Variants in IGSF10 observed in about 807,000 individuals in gnomAD.
IGSF10 encodes immunoglobulin superfamily member 10.
IGSF10 carries 126 observed loss-of-function variants against 128.2 expected under a neutral mutation model. The observed-to-expected ratio is 0.98, with a 90% confidence interval of 0.85 to 1.14. IGSF10 has a LOEUF of 1.14. Ranked by LOEUF, IGSF10 falls within the 50% of genes most tolerant of loss-of-function variation. The probability of loss-of-function intolerance (pLI) is 0.00; values close to 1 mark genes in which losing one functional copy is unlikely to be tolerated. For missense variants in IGSF10, 3,295 were observed against 3,149.8 expected, an observed-to-expected ratio of 1.05 and a Z score of -1.10; for synonymous variants, 1,185 against 1,146.2, an observed-to-expected ratio of 1.03 and a Z score of -0.68.
the IGSF10 span, among the ~76,000 whole-genome samples, chr3:151,613,804 C>T: frequency 6.6e-6 from 1 of 152,112 alleles, no homozygotes; most frequent in African/African-American, 2.4e-5. Flanking sequence ...GCAATGGCAA[C>T]AAAAGCCAAA....
chr3:151,437,706 G>A lies in IGSF10; in HGVS notation c.6855C>T (p.Tyr2285=). ...MPDNIFLTAP[Y]YGSRITVHKN... The stretch of plus-strand genomic sequence containing the variant: ...TATGGACTGTGATTCTGCTTCCATA[G>A]TATGGGGCTGTGAGGAAAATATTGT... The change falls in exon 8 of 8, where the codon TAC becomes TAT. Residue 2285 remains tyrosine, a synonymous_variant. Coordinates refer to ENST00000282466, the MANE Select transcript of IGSF10 (RefSeq NM_178822.5). 1.9e-6 allele frequency: 3 copies of A among 1,614,136 alleles called. No homozygotes were observed. Among genetic ancestry groups the A allele is most frequent in the Non-Finnish European group, 2.5e-6 (3 of 1,180,028 alleles).
At chr3:151,506,814 G>A in the IGSF10 span, among the ~76,000 whole-genome samples, 249 of 152,236 alleles carry the variant, frequency 1.6e-3, 1 homozygote, top group African/African-American at 5.7e-3. Flanking sequence ...AAGATTGATA[G>A]ACCAAATGGG....
the IGSF10 span, chr3:151,499,682 C>T: frequency 2.0e-5 from 3 of 152,182 alleles, no homozygotes; most frequent in Admixed American, 6.6e-5. Context: ...CTGTCTGTCA[C>T]ACTCAGGTGA....
rs543951563 is a variant in IGSF10, at chr3:151,446,588, A to G, written c.3393T>C (p.Thr1131=). The change falls in exon 6 of 8, where the codon ACT becomes ACC. Residue 1131 remains threonine, a synonymous_variant. Transcript: ENST00000282466. The part of the protein sequence containing the change: ...KTTPTIKYFR[T]EISQVTPTGA... ...CAGTTGGAGTCACTTGGGAAATTTC[A>G]GTCCTGAAATATTTTATTGTGGGTG... 1 of 1,614,156 alleles carries G rather than the reference A, an allele frequency of 6.2e-7. No homozygotes were observed. The highest frequency in any genetic ancestry group is 1.3e-5 in the African/African-American group (1 of 75,060).
chr3:151,601,539 T>G, the IGSF10 span, among the ~76,000 whole-genome samples: 2 of 152,184 alleles, frequency 1.3e-5, no homozygotes, highest in Non-Finnish European at 2.9e-5. Flanking sequence ...AAAGAACATG[T>G]TTTAAATGAG....
chr3:151,498,087 A>T, the IGSF10 span, among the ~76,000 whole-genome samples: 1 of 152,006 alleles, frequency 6.6e-6, no homozygotes, highest in Non-Finnish European at 1.5e-5. Flanking sequence ...AGACAATGGG[A>T]TTTCCTAGAT....
the IGSF10 span, among the ~76,000 whole-genome samples, chr3:151,617,320 C>CTTTTCTTCTTCT: frequency 1.2e-5 from 1 of 83,580 alleles, no homozygotes; most frequent in African/African-American, 5.3e-5. Context: ...CTTCTTCTTC[C>CTTTTCTTCTTCT]CCTCCTCCTC....
chr3:151,469,246 A>G, the IGSF10 span, among the ~76,000 whole-genome samples: 2 of 152,160 alleles, frequency 1.3e-5, no homozygotes, highest in African/African-American at 4.8e-5. Flanking sequence ...TCCTTTGGGT[A>G]TATACCCAGT....
At chr3:151,510,323 C>A in the IGSF10 span, among the ~76,000 whole-genome samples, 16 of 152,182 alleles carry the variant, frequency 1.1e-4, no homozygotes, top group African/African-American at 3.9e-4. Context: ...TCACCAATAT[C>A]CACTGTTCTG....
the IGSF10 span, among the ~76,000 whole-genome samples, chr3:151,616,194 C>A: frequency 6.6e-6 from 1 of 151,846 alleles, no homozygotes; most frequent in Non-Finnish European, 1.5e-5. Flanking sequence ...GAACTCCCGA[C>A]CTCAGGAAGT....
At chr3:151,527,520 G>T in the IGSF10 span, among the ~76,000 whole-genome samples, 1 of 151,812 alleles carries the variant, frequency 6.6e-6, no homozygotes, top group Non-Finnish European at 1.5e-5. Context: ...CATGTTACCC[G>T]CCCAATAAAA....
chr3:151,478,571 CCTAA>C, the IGSF10 span, among the ~76,000 whole-genome samples: 1 of 152,136 alleles, frequency 6.6e-6, no homozygotes, highest in East Asian at 1.9e-4. Flanking sequence ...TTAAAGGACG[CCTAA>C]CTAGACAGAT....
chr3:151,450,836 A>C (rs4679830), intron 5 of IGSF10, among the ~76,000 whole-genome samples: 1 of 146,632 alleles, frequency 6.8e-6, no homozygotes, highest in African/African-American at 2.6e-5. Context: ...CAGAGGTTGC[A>C]GTGAGCCAAG....
At chr3:151,525,027 T>G in the IGSF10 span, among the ~76,000 whole-genome samples, 1 of 108,610 alleles carries the variant, frequency 9.2e-6, no homozygotes, top group Admixed American at 9.2e-5. Context: ...TTTTTTTTTT[T>G]TTTTTTTTTT....
the IGSF10 span, among the ~76,000 whole-genome samples, chr3:151,491,870 T>TA: frequency 6.6e-6 from 1 of 152,094 alleles, no homozygotes; most frequent in Non-Finnish European, 1.5e-5. Context: ...ATATTTCTGA[T>TA]AAAAATTGAT....
chr3:151,481,551 T>A, the IGSF10 span, among the ~76,000 whole-genome samples: 1 of 152,250 alleles, frequency 6.6e-6, no homozygotes, highest in Admixed American at 6.5e-5. Context: ...GGACTCTGGA[T>A]AAAAACTTGG....
chr3:151,579,359 A>G, the IGSF10 span, among the ~76,000 whole-genome samples: 1 of 152,172 alleles, frequency 6.6e-6, no homozygotes, highest in African/African-American at 2.4e-5. Flanking sequence ...AATCAAGAGA[A>G]CCAGACTCAC....
chr3:151,523,781 C>T, the IGSF10 span, among the ~76,000 whole-genome samples: 130,208 of 152,164 alleles, frequency 0.86, 55,933 homozygotes, highest in Middle Eastern at 0.95. Context: ...CAAAAGCAAT[C>T]GCAACAAATG....
At chr3:151,459,296 A>G (rs564852690) in intron 2 of IGSF10, among the ~76,000 whole-genome samples, 4 of 152,364 alleles carry the variant, frequency 2.6e-5, no homozygotes, top group African/African-American at 4.8e-5. Context: ...ACATGTGATC[A>G]AACTCAATTT....
Sources: allele counts gnomAD v4.1 joint callset (sites outside exome capture counted in the v4.1 genomes callset), GRCh38; gene constraint gnomAD v4.1.1; transcripts MANE v1.5; gene names NCBI Gene and HGNC (gene_info 2026-07-23, HGNC 2026-07-21).